The following RCBTB2 variants were observed in gnomAD, a reference collection of about 807,000 sequenced individuals.
RCBTB2 encodes RCC1 and BTB domain-containing protein 2.
A neutral mutation model predicts 65.4 loss-of-function variants in RCBTB2; 55 were observed. The ratio of observed to expected loss-of-function variants is 0.84; its 90% confidence interval spans 0.68 to 1.05. RCBTB2 has a LOEUF of 1.05. Ranked by LOEUF, RCBTB2 falls within the 50% of genes least tolerant of loss-of-function variation. The pLI, the probability that RCBTB2 is intolerant of heterozygous loss-of-function variation, is 0.00. For synonymous variants in RCBTB2, 220 were observed against 255.2 expected, an observed-to-expected ratio of 0.86 and a Z score of 1.31; for missense variants, 599 against 680.1, an observed-to-expected ratio of 0.88 and a Z score of 1.33.
At chr13:48,505,243 A>C (rs1950442657) in intron 10 of RCBTB2, among the ~76,000 whole-genome samples, 1 of 152,200 alleles carries the variant, frequency 6.6e-6, no homozygotes, top group Non-Finnish European at 1.5e-5. Context: ...GTTAAGTGCC[A>C]ACCAGGCACA....
chr13:48,530,081 T>C (rs570096959), intron 1 of RCBTB2, among the ~76,000 whole-genome samples: 2 of 152,064 alleles, frequency 1.3e-5, no homozygotes, highest in East Asian at 3.9e-4. Flanking sequence ...CGTTTTTCTG[T>C]AGAGACAGAG....
At chr13:48,528,273 A>G (rs1247861606) in intron 1 of RCBTB2, among the ~76,000 whole-genome samples, 1 of 152,184 alleles carries the variant, frequency 6.6e-6, no homozygotes, top group Non-Finnish European at 1.5e-5. Context: ...ATTCTTCTTT[A>G]GAAGTGATTA....
intron 1 of RCBTB2, among the ~76,000 whole-genome samples, chr13:48,526,886 A>G (rs1951766908): frequency 2.0e-5 from 3 of 152,224 alleles, no homozygotes; most frequent in African/African-American, 7.2e-5. Context: ...ACTGCACTCC[A>G]GCCTGGGTGA....
Position 48,489,328 on chromosome 13 carries a change from C to T in RCBTB2, c.*783G>A, listed in dbSNP as rs1949605726. On this transcript the variant is annotated 3_prime_UTR_variant, in exon 15 of 15. Coordinates refer to ENST00000344532, the MANE Select transcript of RCBTB2 (RefSeq NM_001268.4). ...ATTTACAGAGGCAAGTCCCTCTTAACACAAAGAAAAGCAAAGGACCTTATG... is the reference window on the plus strand; with the variant it reads ...ATTTACAGAGGCAAGTCCCTCTTAATACAAAGAAAAGCAAAGGACCTTATG... 6.6e-6 allele frequency: 1 copy of T among 152,178 alleles called. No homozygotes were observed. 9.4% of individuals were successfully genotyped at this position (152,178 alleles called of 1,614,324 possible). A position where few individuals can be genotyped will look rare whatever the true frequency, so the allele number is the denominator to read the frequency against.
At chr13:48,533,261 C>T (rs1952287092), upstream of RCBTB2, 6 of 302,596 alleles carry the variant, frequency 2.0e-5, no homozygotes, top group Non-Finnish European at 3.3e-5. Flanking sequence ...CCGCCCCTCC[C>T]CTTTCTCGCA....
At chr13:48,509,458 G>A (rs1950669198) in intron 10 of RCBTB2, among the ~76,000 whole-genome samples, 2 of 152,086 alleles carry the variant, frequency 1.3e-5, no homozygotes, top group Non-Finnish European at 2.9e-5. Context: ...CACTTTTGTG[G>A]TTATTCAAAG....
chr13:48,512,614 C>T, intron 7 of RCBTB2, 115 bp downstream of exon 7: 1 of 884,980 alleles, frequency 1.1e-6, no homozygotes, highest in South Asian at 1.9e-5. Flanking sequence ...AAAAATAAGG[C>T]TGAATTTGAG....
At chr13:48,495,782 T>C (rs1019189120) in intron 14 of RCBTB2, among the ~76,000 whole-genome samples, 1 of 152,232 alleles carries the variant, frequency 6.6e-6, no homozygotes, top group Admixed American at 6.5e-5. Context: ...TTCATTTATG[T>C]TTTTTGTCTA....
At chr13:48,506,610 T>C (rs976783128) in intron 10 of RCBTB2, among the ~76,000 whole-genome samples, 1 of 152,134 alleles carries the variant, frequency 6.6e-6, no homozygotes, top group African/African-American at 2.4e-5. Flanking sequence ...GCCGCGCTGG[T>C]CAGGTGGCAG....
chr13:48,489,867 G>C lies in RCBTB2; in HGVS notation c.*244C>G, dbSNP rs1289244782. ...TTAAGTGACTCAAAAAGAGGAAATG[G>C]TAAATAAGATATTTCAATTTTTTTT... is the stretch of plus-strand genomic sequence containing the variant. On this transcript the variant is annotated 3_prime_UTR_variant, in exon 15 of 15. Coordinates refer to ENST00000344532, the MANE Select transcript of RCBTB2 (RefSeq NM_001268.4). 1 of 510,256 alleles carries C rather than the reference G, an allele frequency of 2.0e-6. No individual in the cohort carries two copies. The highest frequency in any genetic ancestry group is 1.9e-5 in the African/African-American group (1 of 51,714). The allele number at this position is 510,256 out of a possible 1,614,324, so 31.6% of individuals were successfully genotyped here.
intron 1 of RCBTB2, 190 bp downstream of exon 1, chr13:48,532,838 G>C (rs970087427): frequency 2.9e-6 from 1 of 345,974 alleles, no homozygotes; most frequent in Non-Finnish European, 5.8e-6. Flanking sequence ...GCAGTTTTAC[G>C]CATGCGCGAC....
chr13:48,522,491 T>C, intron 2 of RCBTB2, 88 bp from the exon 3 acceptor site: 1 of 695,186 alleles, frequency 1.4e-6, no homozygotes, highest in Non-Finnish European at 2.4e-6. Context: ...TAATGAAAAA[T>C]CTGAAACAAC....
At chr13:48,534,258 A>G (rs942837530), upstream of RCBTB2, among the ~76,000 whole-genome samples, 2 of 152,240 alleles carry the variant, frequency 1.3e-5, no homozygotes, top group Non-Finnish European at 1.5e-5. Context: ...ACATCTTATC[A>G]ATGAAAGAAA....
chr13:48,501,981 A>AG, intron 11 of RCBTB2, 113 bp from the exon 12 acceptor site: 1 of 720,742 alleles, frequency 1.4e-6, no homozygotes, highest in Admixed American at 3.7e-5. Flanking sequence ...CCTCAAAATA[A>AG]CTGAGCAACT....
rs1285738294 is a variant in RCBTB2 at position 48,489,062 on chromosome 13, G to A, written c.*1049C>T. Reference sequence around the variant, plus strand: ...TTTCCTTTACATTACATGACATTGTGAGATACACATTAGAAGAATCTGAGA... The same window carrying A: ...TTTCCTTTACATTACATGACATTGTAAGATACACATTAGAAGAATCTGAGA... On this transcript the variant is annotated 3_prime_UTR_variant, in exon 15 of 15. Transcript: ENST00000344532. 1.3e-5 allele frequency: 2 copies of A among 152,150 alleles called. No homozygotes were observed. Among genetic ancestry groups the A allele is most frequent in the Non-Finnish European group, 1.5e-5 (1 of 68,038 alleles). The allele number at this position is 152,150 out of a possible 1,614,324, so 9.4% of individuals were successfully genotyped here.
chr13:48,506,480 G>A (rs1011631792), intron 10 of RCBTB2, among the ~76,000 whole-genome samples: 1 of 152,216 alleles, frequency 6.6e-6, no homozygotes, highest in African/African-American at 2.4e-5. Context: ...CCCAAGCTAG[G>A]TTGCCAAGGA....
chr13:48,527,329 A>ATATATATGATATATATT (rs1951808808), intron 1 of RCBTB2, among the ~76,000 whole-genome samples: 1 of 80,962 alleles, frequency 1.2e-5, no homozygotes, highest in Non-Finnish European at 2.5e-5. Flanking sequence ...TCATATATAT[A>ATATATATGATATATATT]TATATATGAT....
chr13:48,522,501 C>G lies in RCBTB2; in HGVS notation c.-119-98G>C. ...GGACTTAATGAAAAATCTGAAACAA[C>G]AGCCATCAAATATGTAGCAATGCAC... On this transcript the variant is annotated intron_variant, in intron 2 of 14. Transcript: ENST00000344532. 13 of 663,292 alleles carry G rather than the reference C, an allele frequency of 2.0e-5. No individual in the cohort carries two copies. The South Asian group carries it at 2.3e-4, about 12-fold the overall frequency. 41.1% of individuals were successfully genotyped at this position (663,292 alleles called of 1,614,324 possible). A position where few individuals can be genotyped will look rare whatever the true frequency, so the allele number is the denominator to read the frequency against.
chr13:48,521,530 A>G (rs752838739), intron 4 of RCBTB2, among the ~76,000 whole-genome samples: 5 of 152,240 alleles, frequency 3.3e-5, no homozygotes, highest in African/African-American at 4.8e-5. Context: ...TTGAGAACAT[A>G]TCATCTAAGA....
Sources: allele counts gnomAD v4.1 joint callset (sites outside exome capture counted in the v4.1 genomes callset), GRCh38; gene constraint gnomAD v4.1.1; transcripts MANE v1.5; gene names NCBI Gene and HGNC (gene_info 2026-07-23, HGNC 2026-07-21).